The following DGKB variants were observed in gnomAD, a reference collection of about 807,000 sequenced individuals.
DGKB encodes diacylglycerol kinase beta, also known as 90 kDa diacylglycerol kinase.
Under a neutral mutation model 114.3 loss-of-function variants are expected in DGKB, and 67 were observed. The observed-to-expected ratio is 0.59, with a 90% CI of 0.48 to 0.72. DGKB has a LOEUF of 0.72. Among genes scored for constraint, DGKB ranks in the 30% least tolerant of loss-of-function variants. The pLI is 0.00. For missense variants in DGKB, 907 were observed against 975.2 expected, an observed-to-expected ratio of 0.93 and a Z score of 0.93; for synonymous variants, 398 against 323.1, an observed-to-expected ratio of 1.23 and a Z score of -2.49.
intron 20 of DGKB, among the ~76,000 whole-genome samples, chr7:14,500,539 G>T (rs886194764): frequency 1.3e-5 from 2 of 150,930 alleles, no homozygotes; most frequent in Non-Finnish European, 3.0e-5. Context: ...ATTTCAAGTA[G>T]CATTTCCATA....
rs1782711752 is a variant in DGKB at position 14,479,733 on chromosome 7, T to C, written c.1771-1508A>G. ...ATAATATGAAGTTGTCTTACTGTGG[T>C]ATGAGATTACAGGAAAAACACCTGA... On this transcript the variant is annotated intron_variant, in intron 20 of 25. Transcript: ENST00000402815. Among the ~76,000 whole-genome samples the C allele has an allele frequency of 2.0e-5, 3 of 152,226 alleles. No homozygotes were observed. The South Asian group carries it at 6.2e-4, about 32-fold the overall frequency.
chr7:14,646,662 A>C (rs1646853597), intron 13 of DGKB, among the ~76,000 whole-genome samples: 1 of 152,142 alleles, frequency 6.6e-6, no homozygotes, highest in South Asian at 2.1e-4. Flanking sequence ...ACAATAAAAT[A>C]AAATCAGAAT....
At chr7:14,534,176 A>T (rs1158903173) in intron 20 of DGKB, among the ~76,000 whole-genome samples, 1 of 152,092 alleles carries the variant, frequency 6.6e-6, no homozygotes, top group Non-Finnish European at 1.5e-5. Context: ...CACGTGGAGG[A>T]GAATAAAAGT....
chr7:14,603,693 A>T (rs922437855), intron 17 of DGKB, among the ~76,000 whole-genome samples: 2 of 152,118 alleles, frequency 1.3e-5, no homozygotes, highest in African/African-American at 4.8e-5. Flanking sequence ...GTTCAGGTAG[A>T]TGGAAGCAAA....
intron 25 of DGKB, among the ~76,000 whole-genome samples, chr7:14,170,162 AAAGAAAGAAAG>A (rs1373527671): frequency 4.3e-4 from 38 of 88,144 alleles, no homozygotes; most frequent in African/African-American, 2.4e-3. Flanking sequence ...AGAAAGAAAG[AAAGAAAGAAAG>A]AAAGAAAGAA....
intron 2 of DGKB, among the ~76,000 whole-genome samples, chr7:14,830,490 G>C (rs1429546422): frequency 1.3e-5 from 2 of 152,062 alleles, no homozygotes; most frequent in Non-Finnish European, 2.9e-5. Context: ...TCCTTTCAAA[G>C]TCAAAGCTGT....
chr7:14,785,811 C>T (rs1199409101), intron 2 of DGKB, among the ~76,000 whole-genome samples: 1 of 151,936 alleles, frequency 6.6e-6, no homozygotes, highest in Non-Finnish European at 1.5e-5. Context: ...ATTTATTTTA[C>T]ACTCCACAAT....
intron 1 of DGKB, among the ~76,000 whole-genome samples, chr7:14,937,310 G>T (rs752484638): frequency 1.3e-5 from 2 of 151,458 alleles, no homozygotes; most frequent in African/African-American, 2.4e-5. Flanking sequence ...ATAAAAAGAC[G>T]CTCTCCTTTC....
chr7:14,394,819 A>T (rs1480685736), intron 21 of DGKB, among the ~76,000 whole-genome samples: 3 of 152,082 alleles, frequency 2.0e-5, no homozygotes, highest in Non-Finnish European at 2.9e-5. Flanking sequence ...TTCCTGCCCA[A>T]TTGATGGATA....
intron 23 of DGKB, among the ~76,000 whole-genome samples, chr7:14,254,717 G>C (rs1004689048): frequency 1.1e-4 from 17 of 152,034 alleles, no homozygotes; most frequent in African/African-American, 4.1e-4. Context: ...CTTTCTTTCT[G>C]TGCAAAATTG....
chr7:14,221,674 C>T (rs1270011182), intron 23 of DGKB, among the ~76,000 whole-genome samples: 1 of 151,290 alleles, frequency 6.6e-6, no homozygotes, highest in African/African-American at 2.4e-5. Flanking sequence ...CATGATAATA[C>T]TGGCCTCATA....
chr7:14,541,208 T>A (rs1793386479), intron 20 of DGKB, among the ~76,000 whole-genome samples: 1 of 152,018 alleles, frequency 6.6e-6, no homozygotes, highest in Non-Finnish European at 1.5e-5. Context: ...CCCAAGCAAG[T>A]GGCAGCTGTA....
chr7:14,665,941 T>G (rs1337880846), intron 13 of DGKB, among the ~76,000 whole-genome samples: 1 of 152,002 alleles, frequency 6.6e-6, no homozygotes, highest in African/African-American at 2.4e-5. Context: ...CCTCACAAAT[T>G]TATGTACTAC....
At chr7:14,629,482 C>A (rs2128840082) in intron 14 of DGKB, among the ~76,000 whole-genome samples, 1 of 151,990 alleles carries the variant, frequency 6.6e-6, no homozygotes, top group South Asian at 2.1e-4. Context: ...TAAATAAATT[C>A]ATAATCTTAT....
intron 20 of DGKB, among the ~76,000 whole-genome samples, chr7:14,566,504 T>C (rs2128686780): frequency 6.6e-6 from 1 of 152,316 alleles, no homozygotes; most frequent in Non-Finnish European, 1.5e-5. Flanking sequence ...ATGACAATTG[T>C]TTTATTTTTC....
rs117024220 is a variant in DGKB at position 14,533,241 on chromosome 7, T to C, written c.1770+40971A>G. Among the ~76,000 whole-genome samples the C allele has an allele frequency of 6.6e-4, 101 of 151,936 alleles. 1 individual carries two copies. In the East Asian group the frequency reaches 0.015, roughly 23 times the overall value. Reference sequence around the variant, plus strand: ...TAAAACTTTCAACAGACAGCCTCTATAGTAGACTCAGTCAATAGTAGATTC... The same window carrying C: ...TAAAACTTTCAACAGACAGCCTCTACAGTAGACTCAGTCAATAGTAGATTC... On this transcript the variant is annotated intron_variant, in intron 20 of 25. Coordinates refer to ENST00000402815, the MANE Select transcript of DGKB (RefSeq NM_001350709.2).
chr7:14,209,722 C>T (rs1398595588), intron 23 of DGKB, among the ~76,000 whole-genome samples: 2 of 152,042 alleles, frequency 1.3e-5, no homozygotes, highest in African/African-American at 4.8e-5. Flanking sequence ...AAACTTCAGA[C>T]ATAAGTTAAT....
At chr7:14,422,597 A>G (rs922648413) in intron 21 of DGKB, among the ~76,000 whole-genome samples, 15 of 151,970 alleles carry the variant, frequency 9.9e-5, no homozygotes, top group Non-Finnish European at 1.6e-4. Flanking sequence ...ATACCTTTAT[A>G]TTATTTTATT....
At chr7:14,369,167 G>A (rs181993270) in intron 21 of DGKB, among the ~76,000 whole-genome samples, 12 of 152,002 alleles carry the variant, frequency 7.9e-5, no homozygotes, top group Admixed American at 5.9e-4. Context: ...GAGAACATGC[G>A]GTGTTTGATT....
Sources: gnomAD v4.1 joint callset for allele counts (sites outside exome capture counted in the v4.1 genomes callset) on GRCh38, gnomAD v4.1.1 for gene constraint, MANE v1.5 for transcripts, NCBI Gene and HGNC (gene_info 2026-07-23, HGNC 2026-07-21) for gene names.